Variants in BBS9 observed in about 807,000 individuals in gnomAD.
BBS9 encodes Bardet-Biedl syndrome 9.
A neutral mutation model predicts 117.7 loss-of-function variants in BBS9; 89 were observed. That is an observed-to-expected ratio of 0.76 (90% CI 0.64 to 0.90). BBS9 has a LOEUF of 0.90. Among genes scored for constraint, BBS9 ranks in the 40% least tolerant of loss-of-function variants. The pLI is 0.00. For missense variants in BBS9, 982 were observed against 1,042.2 expected (o/e 0.94, Z 0.80); for synonymous variants, 379 against 370.9 (o/e 1.02, Z -0.25).
In BBS9 at chr7:33,150,356, G is replaced by T. The variant is rs892162765; in HGVS notation, c.113-2345G>T. On this transcript the variant is annotated intron_variant, in intron 2 of 22. Transcript: ENST00000242067. ...GATAAAGCTATCTTACATGTGGTTTGGTGTTCCTCCTTGTTCAGCTGGCTA... is the reference window on the plus strand; with the variant it reads ...GATAAAGCTATCTTACATGTGGTTTTGTGTTCCTCCTTGTTCAGCTGGCTA... 3.3e-5 allele frequency among the ~76,000 whole-genome samples: 5 copies of T among 152,116 alleles called. No homozygotes were observed. The East Asian group carries it at 9.6e-4, about 29-fold the overall frequency.
chr7:33,513,030 G>A (rs554153317), intron 20 of BBS9, among the ~76,000 whole-genome samples: 1 of 152,056 alleles, frequency 6.6e-6, no homozygotes, highest in African/African-American at 2.4e-5. Flanking sequence ...GGCTCTTTTG[G>A]CCCCTGTTCA....
At chr7:33,633,637 C>T (rs1014981192) in intron 21 of BBS9, among the ~76,000 whole-genome samples, 4 of 151,238 alleles carry the variant, frequency 2.6e-5, no homozygotes, top group African/African-American at 9.7e-5. Flanking sequence ...CAGGTAGTGG[C>T]TTCCCACGAT....
intron 19 of BBS9, among the ~76,000 whole-genome samples, chr7:33,413,981 GC>G (rs1400720716): frequency 6.6e-6 from 1 of 152,076 alleles, no homozygotes; most frequent in Non-Finnish European, 1.5e-5. Context: ...CTGATAATGC[GC>G]CATTGCACTC....
rs1211007235 is a variant in BBS9, at chr7:33,357,937, C to A, written c.1635C>A (p.Ser545Arg). 1 of 1,612,460 alleles carries A rather than the reference C, an allele frequency of 6.2e-7. No individual in the cohort carries two copies. The highest frequency in any genetic ancestry group is 2.2e-5 in the East Asian group (1 of 44,814). The change falls in exon 16 of 23, where the codon AGC (serine) becomes AGA (arginine). Residue 545 changes from serine to arginine, a missense_variant. Physicochemically the swap from Ser to Arg is moderately radical, Grantham distance 110. Coordinates refer to ENST00000242067, the MANE Select transcript of BBS9 (RefSeq NM_198428.3). ...CLPGQPSKTA[S>R]HKITIDTNKS... ...CAGGTCAGCCTTCAAAAACTGCAAG[C>A]CACAAAATTACTATTGATACCAACA...
In BBS9 at chr7:33,627,689, A is replaced by G. The variant is rs145479400; in HGVS notation, c.2522-7488A>G. 5.4e-3 allele frequency among the ~76,000 whole-genome samples: 823 copies of G among 152,322 alleles called. 3 individuals carry two copies. The highest frequency in any genetic ancestry group is 9.7e-3 in the Admixed American group (148 of 15,304). On this transcript the variant is annotated intron_variant, in intron 21 of 21. Coordinates refer to the BBS9 transcript ENST00000671952. Reference sequence around the variant, plus strand: ...GCCTGGATATGAGACACTTGATATTATACCACAAAGCCGATAGTGATCAAG... The same window carrying G: ...GCCTGGATATGAGACACTTGATATTGTACCACAAAGCCGATAGTGATCAAG...
intron 9 of BBS9, among the ~76,000 whole-genome samples, chr7:33,329,228 G>C (rs10241837): frequency 0.8 from 121,354 of 151,852 alleles, 48,734 homozygotes; most frequent in Admixed American, 0.84. Context: ...ACCATGTTGG[G>C]CAGACTGGTC....
chr7:33,274,594 G>C (rs1800389350), intron 9 of BBS9, among the ~76,000 whole-genome samples: 1 of 152,146 alleles, frequency 6.6e-6, no homozygotes, highest in African/African-American at 2.4e-5. Context: ...TTATGTTTAG[G>C]AATTGAAAAT....
At chr7:33,458,995 CT>C (rs1275888742) in intron 19 of BBS9, among the ~76,000 whole-genome samples, 2 of 152,064 alleles carry the variant, frequency 1.3e-5, no homozygotes, top group Non-Finnish European at 2.9e-5. Flanking sequence ...AACACTAGGG[CT>C]TTTTTCTTTT....
chr7:33,406,032 C>G (rs1174599982), intron 19 of BBS9, among the ~76,000 whole-genome samples: 2 of 152,038 alleles, frequency 1.3e-5, no homozygotes, highest in Non-Finnish European at 2.9e-5. Context: ...CCCAGAGATT[C>G]TGGTATGTTG....
chr7:33,348,117 A>C (rs1452487819), intron 12 of BBS9, among the ~76,000 whole-genome samples: 2 of 152,068 alleles, frequency 1.3e-5, no homozygotes, highest in Non-Finnish European at 2.9e-5. Flanking sequence ...ATTTTATCCC[A>C]CCTAAAAGAA....
At chr7:33,601,518 A>G (rs572597552) in intron 21 of BBS9, among the ~76,000 whole-genome samples, 2 of 152,188 alleles carry the variant, frequency 1.3e-5, no homozygotes, top group South Asian at 2.1e-4. Context: ...TAACAAATAC[A>G]TATTTTTTTC....
chr7:33,532,778 G>T (rs578011634), intron 20 of BBS9, among the ~76,000 whole-genome samples: 29 of 152,298 alleles, frequency 1.9e-4, no homozygotes, highest in African/African-American at 6.3e-4. Context: ...TAAGTTTGAG[G>T]ATGGAATGAT....
chr7:33,576,612 A>C (rs1037684848), intron 21 of BBS9, among the ~76,000 whole-genome samples: 19 of 152,256 alleles, frequency 1.2e-4, no homozygotes, highest in Non-Finnish European at 2.5e-4. Context: ...AATCCTAAGC[A>C]AAAAGAACAA....
At chr7:33,566,334 AATAC>A (rs904527074) in intron 21 of BBS9, among the ~76,000 whole-genome samples, 12 of 152,054 alleles carry the variant, frequency 7.9e-5, no homozygotes, top group Non-Finnish European at 1.5e-4. Flanking sequence ...CACAATACAT[AATAC>A]ATGATGCATA....
chr7:33,509,665 G>A (rs1004378255), intron 20 of BBS9, among the ~76,000 whole-genome samples: 5 of 152,154 alleles, frequency 3.3e-5, no homozygotes, highest in African/African-American at 1.2e-4. Flanking sequence ...CTCAGAAGAT[G>A]TTTTGTTTAT....
downstream of BBS9, among the ~76,000 whole-genome samples, chr7:33,609,726 A>G (rs1336389305): frequency 6.6e-6 from 1 of 152,114 alleles, no homozygotes; most frequent in Non-Finnish European, 1.5e-5. Context: ...GCCAGGCTGC[A>G]TAGAACATGC....
intron 5 of BBS9, among the ~76,000 whole-genome samples, chr7:33,197,772 CAAGTGT>C (rs1328485139): frequency 2.0e-5 from 3 of 151,670 alleles, no homozygotes; most frequent in African/African-American, 7.3e-5. Context: ...AAGTATCATA[CAAGTGT>C]AAAATGATTT....
intron 21 of BBS9, among the ~76,000 whole-genome samples, chr7:33,631,665 C>T (rs1278471624): frequency 6.6e-6 from 1 of 152,184 alleles, no homozygotes; most frequent in African/African-American, 2.4e-5. Flanking sequence ...TGCAGGGGCC[C>T]CTTGCCTCAA....
intron 5 of BBS9, among the ~76,000 whole-genome samples, chr7:33,207,762 A>G (rs996894475): frequency 3.3e-5 from 5 of 152,160 alleles, no homozygotes; most frequent in African/African-American, 7.2e-5. Flanking sequence ...ACATAAACAT[A>G]TACATATATG....
Sources: gnomAD v4.1 joint callset for allele counts (sites outside exome capture counted in the v4.1 genomes callset) on GRCh38, gnomAD v4.1.1 for gene constraint, MANE v1.5 for transcripts, NCBI Gene and HGNC (gene_info 2026-07-23, HGNC 2026-07-21) for gene names.